Variants in CECR2 observed in about 807,000 individuals in gnomAD.
CECR2 encodes CECR2 histone acetyl-lysine reader, also known as chromatin remodeling regulator CECR2.
CECR2 carries 30 observed loss-of-function variants against 154.5 expected under a neutral mutation model. The observed-to-expected ratio is 0.19, with a 90% confidence interval of 0.15 to 0.26. CECR2 has a LOEUF of 0.26. Among genes scored for constraint, CECR2 ranks in the 10% least tolerant of loss-of-function variants. The probability of loss-of-function intolerance (pLI) is 1.00; values close to 1 mark genes in which losing one functional copy is unlikely to be tolerated. For missense variants in CECR2, 1,743 were observed against 1,829.3 expected, an observed-to-expected ratio of 0.95 and a Z score of 0.86; for synonymous variants, 725 against 683.7, an observed-to-expected ratio of 1.06 and a Z score of -0.94.
At chr22:17,522,852 A>G (rs1393823806) in intron 8 of CECR2, among the ~76,000 whole-genome samples, 1 of 152,138 alleles carries the variant, frequency 6.6e-6, no homozygotes, top group Non-Finnish European at 1.5e-5. Flanking sequence ...TAAAAATACA[A>G]AAATTAGCTA....
intron 1 of CECR2, among the ~76,000 whole-genome samples, chr22:17,451,536 GTTCTT>G (rs976871968): frequency 3.9e-5 from 6 of 152,114 alleles, no homozygotes; most frequent in Non-Finnish European, 8.8e-5. Context: ...TCAGATAAGA[GTTCTT>G]TTCTTTTCTC....
At chr22:17,482,132 A>T (rs1470194126) in intron 2 of CECR2, among the ~76,000 whole-genome samples, 5 of 100,630 alleles carry the variant, frequency 5.0e-5, no homozygotes, top group Non-Finnish European at 8.5e-5. Context: ...AAAAAAAAAA[A>T]AAAAAAAAAG....
At chr22:17,435,314 C>CT (rs1353449286) in intron 1 of CECR2, among the ~76,000 whole-genome samples, 1 of 152,108 alleles carries the variant, frequency 6.6e-6, no homozygotes, top group Non-Finnish European at 1.5e-5. Context: ...TTCCATGAAA[C>CT]TGACTAGTTG....
chr22:17,504,850 C>T lies in CECR2; in HGVS notation c.704C>T (p.Ser235Phe), dbSNP rs767271030. The T allele has an allele frequency of 9.9e-6, 16 of 1,612,782 alleles. No homozygotes were observed. The highest frequency in any genetic ancestry group is 6.8e-6 in the Non-Finnish European group (8 of 1,179,490). ...AATCCGTTCCTTTATTTTCTAGGGT[C>T]CCAAGGGCCAGGCCAAGGTACTTGG... Reference protein sequence around the residue: ...LASEPQTRHGSQGPGQGTWWL... With the variant: ...LASEPQTRHGFQGPGQGTWWL... Residue 235 changes from serine to phenylalanine, a missense_variant, in exon 7 of 19, where the codon TCC becomes TTC. By Grantham distance (155) the Ser-to-Phe change is radical. Coordinates refer to ENST00000262608, the MANE Select transcript of CECR2 (RefSeq NM_001290047.2).
chr22:17,404,364 C>CTTTTTTTTTTTTTTTTTTGTTTT, intron 1 of CECR2, among the ~76,000 whole-genome samples: 1 of 59,608 alleles, frequency 1.7e-5, no homozygotes, highest in Non-Finnish European at 3.2e-5. Context: ...GGACCCTGTT[C>CTTTTTTTTTTTTTTTTTTGTTTT]TTTCTTTTTT....
chr22:17,505,929 C>T (rs562546288), intron 7 of CECR2, among the ~76,000 whole-genome samples: 2 of 149,828 alleles, frequency 1.3e-5, no homozygotes, highest in East Asian at 2.0e-4. Context: ...ACTGTAGCCT[C>T]GATTTGCCAG....
intron 1 of CECR2, among the ~76,000 whole-genome samples, chr22:17,426,964 C>T (rs911408328): frequency 6.6e-6 from 1 of 152,018 alleles, no homozygotes. Flanking sequence ...TTGCTGCACC[C>T]ATCATCATTT....
chr22:17,398,773 C>T (rs1248643857), intron 1 of CECR2, among the ~76,000 whole-genome samples: 5 of 152,214 alleles, frequency 3.3e-5, no homozygotes, highest in Admixed American at 3.3e-4. Context: ...TTACTATTCA[C>T]TAAACATTCA....
chr22:17,415,953 A>G (rs1383674755), intron 1 of CECR2, among the ~76,000 whole-genome samples: 2 of 152,214 alleles, frequency 1.3e-5, no homozygotes, highest in Non-Finnish European at 2.9e-5. Context: ...CTCATCACCA[A>G]ATCCAGAGGT....
At chr22:17,426,319 A>G (rs1206299514) in intron 1 of CECR2, among the ~76,000 whole-genome samples, 1 of 152,194 alleles carries the variant, frequency 6.6e-6, no homozygotes, top group South Asian at 2.1e-4. Context: ...GTCACATTCA[A>G]ATAAAGTCCA....
chr22:17,433,144 T>TA (rs1440859842), intron 1 of CECR2, among the ~76,000 whole-genome samples: 3 of 152,210 alleles, frequency 2.0e-5, no homozygotes, highest in East Asian at 1.9e-4. Flanking sequence ...TTTGAACTGA[T>TA]ACGAACAATA....
chr22:17,542,353 G>A lies in CECR2; in HGVS notation c.2210G>A (p.Arg737Gln), dbSNP rs766437636. The change falls in exon 16 of 19, where the codon CGG becomes CAG. Residue 737 changes from arginine (R) to glutamine (Q), a missense_variant. Arg to Gln is a conservative substitution (Grantham distance 43). Coordinates refer to ENST00000262608, the MANE Select transcript of CECR2 (RefSeq NM_001290047.2). ...TTCCAGCCAGGATTCATTCCTCCCC[G>A]GCATGGGGGGGCTCCAGCCCGGCCA... ...AQFQPGFIPP[R>Q]HGGAPARPPD... The A allele has an allele frequency of 1.5e-5, 25 of 1,613,624 alleles. No homozygotes were observed. The highest frequency in any genetic ancestry group is 1.6e-4 in the Middle Eastern group (1 of 6,082).
At chr22:17,494,136 C>A (rs754216137) in intron 2 of CECR2, among the ~76,000 whole-genome samples, 1 of 152,212 alleles carries the variant, frequency 6.6e-6, no homozygotes, top group East Asian at 1.9e-4. Flanking sequence ...TTTCTTCTTG[C>A]CCAGGCTGGA....
At chr22:17,510,380 C>G (rs1210094110) in intron 7 of CECR2, among the ~76,000 whole-genome samples, 1 of 151,498 alleles carries the variant, frequency 6.6e-6, no homozygotes. Context: ...CAAGGTGGTA[C>G]GATTGTTTGA....
Position 17,421,717 on chromosome 22 carries a change from C to T in CECR2, c.126+51808C>T, listed in dbSNP as rs553114499. ...CTGAGGCAGAAGAATTGCTTGAACCCGGGAGGCAGAGGTTGCAGTGAGCCG... is the reference window on the plus strand; with the variant it reads ...CTGAGGCAGAAGAATTGCTTGAACCTGGGAGGCAGAGGTTGCAGTGAGCCG... On this transcript the variant is annotated intron_variant, in intron 1 of 18. Coordinates refer to ENST00000262608, the MANE Select transcript of CECR2 (RefSeq NM_001290047.2). Among the ~76,000 whole-genome samples, 5 of 150,258 alleles carry T rather than the reference C, an allele frequency of 3.3e-5. No homozygotes were observed. In the South Asian group the frequency reaches 6.3e-4, roughly 19 times the overall value.
chr22:17,446,817 C>T (rs1040609434), intron 1 of CECR2, among the ~76,000 whole-genome samples: 4 of 152,128 alleles, frequency 2.6e-5, no homozygotes, highest in African/African-American at 7.2e-5. Context: ...AAAGGGGATG[C>T]GAGCAGGTTG....
intron 1 of CECR2, among the ~76,000 whole-genome samples, chr22:17,430,051 C>A (rs950339870): frequency 3.3e-5 from 5 of 152,170 alleles, no homozygotes; most frequent in African/African-American, 7.2e-5. Flanking sequence ...ATGGGGCATT[C>A]TTTATTTACC....
chr22:17,487,913 G>A (rs545797544), intron 2 of CECR2, among the ~76,000 whole-genome samples: 37 of 151,698 alleles, frequency 2.4e-4, no homozygotes, highest in African/African-American at 8.0e-4. Context: ...GAGAAGTCTC[G>A]CTCTTGTCCC....
rs578126194 is a variant in CECR2, at chr22:17,378,234, T to C, written c.126+8325T>C. Among the ~76,000 whole-genome samples the C allele has an allele frequency of 5.4e-4, 82 of 151,078 alleles. 1 individual carries two copies. In the East Asian group the frequency reaches 9.8e-3, roughly 18 times the overall value. On this transcript the variant is annotated intron_variant, in intron 1 of 18. Transcript: ENST00000262608. ...TCCTAACCTTGTGATCCGCCCGCCT[T>C]GGCCTCCCAAAGTGCTGGGATTACA... is the stretch of plus-strand genomic sequence containing the variant.
Sources: allele counts gnomAD v4.1 joint callset (sites outside exome capture counted in the v4.1 genomes callset), GRCh38; gene constraint gnomAD v4.1.1; transcripts MANE v1.5; gene names NCBI Gene and HGNC (gene_info 2026-07-23, HGNC 2026-07-21).